Variants in PUM1 observed in about 807,000 individuals in gnomAD.
The protein encoded by PUM1 is pumilio homolog 1.
A neutral mutation model predicts 131.8 loss-of-function variants in PUM1; 13 were observed. The ratio of observed to expected loss-of-function variants is 0.10; its 90% confidence interval spans 0.06 to 0.16. PUM1 has a LOEUF of 0.16. PUM1 is among the 10% of genes least tolerant of loss of function. PUM1 has a pLI of 1.00. For synonymous variants in PUM1, 509 were observed against 556.5 expected, an observed-to-expected ratio of 0.91 and a Z score of 1.20; for missense variants, 961 against 1,512.4, an observed-to-expected ratio of 0.64 and a Z score of 6.05.
chr1:30,976,361 T>G (rs1056386097), intron 9 of PUM1, among the ~76,000 whole-genome samples: 3 of 152,224 alleles, frequency 2.0e-5, no homozygotes, highest in Non-Finnish European at 4.4e-5. Flanking sequence ...CAAGTTGAAC[T>G]TCCTTAAAGC....
intron 3 of PUM1, among the ~76,000 whole-genome samples, chr1:31,012,754 T>C (rs1296183758): frequency 6.6e-6 from 1 of 152,010 alleles, no homozygotes; most frequent in Admixed American, 6.6e-5. Flanking sequence ...CAATCAATCA[T>C]GTCATAAACC....
intron 2 of PUM1, among the ~76,000 whole-genome samples, chr1:31,032,751 G>A (rs563708392): frequency 5.9e-5 from 9 of 152,168 alleles, no homozygotes; most frequent in Admixed American, 1.3e-4. Flanking sequence ...AGGCTGCAAT[G>A]AGCCAAGGTA....
intron 2 of PUM1, among the ~76,000 whole-genome samples, chr1:31,052,997 C>T (rs975437425): frequency 6.6e-6 from 1 of 151,382 alleles, no homozygotes; most frequent in Admixed American, 6.6e-5. Flanking sequence ...AGCCACCACG[C>T]CTGGCCCAAT....
chr1:31,022,549 A>T (rs1643067790), intron 3 of PUM1, among the ~76,000 whole-genome samples: 1 of 152,216 alleles, frequency 6.6e-6, no homozygotes, highest in African/African-American at 2.4e-5. Flanking sequence ...CCTGGGAACT[A>T]CGTTCCAAAT....
At chr1:31,006,347 C>T (rs2124509604) in intron 4 of PUM1, among the ~76,000 whole-genome samples, 1 of 152,250 alleles carries the variant, frequency 6.6e-6, no homozygotes, top group East Asian at 1.9e-4. Context: ...ATTACTAAAA[C>T]AAAATATGAT....
intron 3 of PUM1, among the ~76,000 whole-genome samples, chr1:31,023,657 G>A (rs1269368722): frequency 1.3e-5 from 2 of 152,164 alleles, no homozygotes; most frequent in African/African-American, 4.8e-5. Context: ...GAAGCCAGGC[G>A]CGGTGGCTCA....
chr1:31,025,496 G>A (rs540825846), intron 3 of PUM1, among the ~76,000 whole-genome samples: 2 of 150,652 alleles, frequency 1.3e-5, no homozygotes, highest in African/African-American at 2.4e-5. Context: ...TAAAAGTCAT[G>A]CAATTTACTT....
At chr1:30,959,630 G>A (rs1332485280) in intron 14 of PUM1, among the ~76,000 whole-genome samples, 4 of 152,072 alleles carry the variant, frequency 2.6e-5, no homozygotes, top group African/African-American at 4.8e-5. Context: ...AAAAATGGCC[G>A]GGCGAGATGG....
intron 2 of PUM1, among the ~76,000 whole-genome samples, chr1:31,053,341 CAAA>C (rs112722614): frequency 3.2e-5 from 4 of 126,572 alleles, no homozygotes; most frequent in African/African-American, 2.9e-5. Context: ...ATTTTACAGG[CAAA>C]AAAAAAAAAA....
intron 20 of PUM1, among the ~76,000 whole-genome samples, chr1:30,938,842 G>A (rs1395501157): frequency 6.6e-6 from 1 of 152,072 alleles, no homozygotes; most frequent in Non-Finnish European, 1.5e-5. Flanking sequence ...TCCAGCCTGG[G>A]CGACAGAGCG....
chr1:31,021,438 T>A (rs540862813), intron 3 of PUM1, among the ~76,000 whole-genome samples: 1 of 152,322 alleles, frequency 6.6e-6, no homozygotes, highest in Middle Eastern at 3.4e-3. Context: ...GAAACTATGC[T>A]TAGGAAAAAA....
At chr1:31,045,487 A>G (rs1156566222) in intron 2 of PUM1, among the ~76,000 whole-genome samples, 1 of 152,134 alleles carries the variant, frequency 6.6e-6, no homozygotes, top group African/African-American at 2.4e-5. Flanking sequence ...GATGGCTCAC[A>G]CCTGTAATAC....
chr1:30,975,891 T>G (rs1268754720), intron 9 of PUM1, among the ~76,000 whole-genome samples: 3 of 152,062 alleles, frequency 2.0e-5, no homozygotes, highest in South Asian at 2.1e-4. Flanking sequence ...GAGACCAGCC[T>G]GGCCAACATG....
rs772491602 is a variant in PUM1, at chr1:30,967,333, G to C, written c.1646-23C>G. 8 of 1,605,338 alleles carry C rather than the reference G, an allele frequency of 5.0e-6. No individual in the cohort carries two copies. In the South Asian group the frequency reaches 8.8e-5, roughly 18 times the overall value. On this transcript the variant is annotated intron_variant, in intron 11 of 21. Transcript: ENST00000426105. ...AACCTAGGAATATCAAGCCAACAAA[G>C]AAATGTATATGTTAAACAAACAAGT...
At position 31,011,164 on chromosome 1, in the gene PUM1, TACACACACACACACAC is replaced by T. The variant is rs138764103; in HGVS notation, c.433-4078_433-4063del. On this transcript the variant is annotated intron_variant, in intron 3 of 21. Coordinates refer to ENST00000426105, the MANE Select transcript of PUM1 (RefSeq NM_001020658.2). The stretch of plus-strand genomic sequence containing the variant: ...CAGAGTGAGACCCTATCTCTTAAAA[TACACACACACACACAC>T]ACACACACACACACACACACACACT... 3.5e-5 allele frequency among the ~76,000 whole-genome samples: 5 copies of T among 142,976 alleles called. No homozygotes were observed. The East Asian group carries it at 1.0e-3, about 29-fold the overall frequency. The allele number at this position is 142,976 out of a possible 152,430, so 93.8% of individuals were successfully genotyped here.
At chr1:30,995,688 T>C (rs928097464) in intron 5 of PUM1, among the ~76,000 whole-genome samples, 3 of 152,200 alleles carry the variant, frequency 2.0e-5, no homozygotes, top group South Asian at 2.1e-4. Flanking sequence ...CACTGCACTA[T>C]GTAAATTCCT....
chr1:31,018,641 G>C (rs1000900826), intron 3 of PUM1, among the ~76,000 whole-genome samples: 7 of 152,188 alleles, frequency 4.6e-5, no homozygotes, highest in African/African-American at 1.4e-4. Context: ...CTGGGTGACA[G>C]AGCAAGGCTC....
Position 30,952,216 on chromosome 1 carries a change from G to C in PUM1, c.2721+18C>G, listed in dbSNP as rs745779251. The C allele has an allele frequency of 1.2e-6, 2 of 1,611,962 alleles. No individual in the cohort carries two copies. The highest frequency in any genetic ancestry group is 4.5e-5 in the East Asian group (2 of 44,864). On this transcript the variant is annotated intron_variant, in intron 16 of 21. Coordinates refer to ENST00000426105, the MANE Select transcript of PUM1 (RefSeq NM_001020658.2). ...GCAGATTCTCTTAAGTCAAAGGATA[G>C]AAAGAACAAAGGCTTACTTCAAAGA...
At chr1:31,000,276 C>A (rs999005624) in intron 5 of PUM1, among the ~76,000 whole-genome samples, 2 of 152,168 alleles carry the variant, frequency 1.3e-5, no homozygotes, top group African/African-American at 4.8e-5. Context: ...GGCTTAACAG[C>A]ATCTTTTAAT....
Sources: allele counts gnomAD v4.1 joint callset (sites outside exome capture counted in the v4.1 genomes callset), GRCh38; gene constraint gnomAD v4.1.1; transcripts MANE v1.5; gene names NCBI Gene and HGNC (gene_info 2026-07-23, HGNC 2026-07-21).